Variants in XKR4 observed in about 807,000 individuals in gnomAD.
XKR4 encodes the protein XK-related protein 4.
In XKR4, 12 loss-of-function variants were observed where a neutral mutation model predicts 53.9. That is an observed-to-expected ratio of 0.22 (90% CI 0.14 to 0.36). XKR4 has a LOEUF of 0.36. Ranked by LOEUF, XKR4 falls within the 10% of genes least tolerant of loss-of-function variation. XKR4 has a pLI of 1.00. For missense variants in XKR4, 799 were observed against 859.5 expected, an observed-to-expected ratio of 0.93 and a Z score of 0.88; for synonymous variants, 354 against 362.4, an observed-to-expected ratio of 0.98 and a Z score of 0.26.
At chr8:55,156,444 G>GGGGGT (rs1272642626) in intron 1 of XKR4, among the ~76,000 whole-genome samples, 2 of 133,946 alleles carry the variant, frequency 1.5e-5, no homozygotes, top group East Asian at 5.4e-4. Flanking sequence ...GAGGAAGGGC[G>GGGGGT]GGGGTGGGGT....
At chr8:55,473,507 A>T (rs952409334) in intron 2 of XKR4, among the ~76,000 whole-genome samples, 5 of 152,122 alleles carry the variant, frequency 3.3e-5, no homozygotes, top group Non-Finnish European at 5.9e-5. Context: ...TCTCCACATA[A>T]TTGGTATAGC....
intron 2 of XKR4, among the ~76,000 whole-genome samples, chr8:55,414,111 A>T (rs1804811461): frequency 6.6e-6 from 1 of 152,250 alleles, no homozygotes; most frequent in Non-Finnish European, 1.5e-5. Context: ...TGTCTTCTAC[A>T]GTAAGAAAGA....
intron 1 of XKR4, among the ~76,000 whole-genome samples, chr8:55,208,519 G>A (rs568012145): frequency 2.0e-5 from 3 of 151,128 alleles, no homozygotes; most frequent in Non-Finnish European, 4.4e-5. Context: ...GTATCACCCA[G>A]GCAGTGGTGC....
At chr8:55,425,184 C>T (rs190026038) in intron 2 of XKR4, among the ~76,000 whole-genome samples, 1 of 152,148 alleles carries the variant, frequency 6.6e-6, no homozygotes, top group African/African-American at 2.4e-5. Context: ...GAATGATATT[C>T]TTTTCTGATC....
intron 1 of XKR4, among the ~76,000 whole-genome samples, chr8:55,271,462 A>G (rs1392920643): frequency 6.6e-6 from 1 of 152,010 alleles, no homozygotes; most frequent in African/African-American, 2.4e-5. Context: ...GCAGAGAAGG[A>G]AAAAACTGGA....
chr8:55,445,160 C>A (rs1805326344), intron 2 of XKR4, among the ~76,000 whole-genome samples: 1 of 152,148 alleles, frequency 6.6e-6, no homozygotes, highest in African/African-American at 2.4e-5. Flanking sequence ...CGGGTTCATG[C>A]CATTCTCCTG....
chr8:55,400,142 C>T (rs1804577530), intron 2 of XKR4, among the ~76,000 whole-genome samples: 1 of 152,170 alleles, frequency 6.6e-6, no homozygotes, highest in Non-Finnish European at 1.5e-5. Flanking sequence ...TCTTAGAGAA[C>T]ACAACCACAC....
At chr8:55,401,058 A>G (rs1471537573) in intron 2 of XKR4, among the ~76,000 whole-genome samples, 1 of 152,206 alleles carries the variant, frequency 6.6e-6, no homozygotes, top group Non-Finnish European at 1.5e-5. Context: ...TGACTAGGTC[A>G]AGTCCAGGTG....
intron 1 of XKR4, among the ~76,000 whole-genome samples, chr8:55,354,904 A>ATTTT (rs772993526): frequency 7.0e-6 from 1 of 142,640 alleles, no homozygotes; most frequent in Non-Finnish European, 1.5e-5. Context: ...TCAGTATAGA[A>ATTTT]TTTTTTTTTT....
rs930569266 is a variant in XKR4 at position 55,167,302 on chromosome 8, G to A, written c.806+64008G>A. ...TCACACTTCTTTCATGAGATTCAGC[G>A]AAGCTGTGTGTCCTGGCCTCCTTGC... On this transcript the variant is annotated intron_variant, in intron 1 of 2. Coordinates refer to ENST00000327381, the MANE Select transcript of XKR4 (RefSeq NM_052898.2). 4.6e-5 allele frequency among the ~76,000 whole-genome samples: 7 copies of A among 152,348 alleles called. No individual in the cohort carries two copies. The East Asian group carries it at 1.3e-3, about 29-fold the overall frequency.
At chr8:55,289,591 G>GAGAA (rs747365935) in intron 1 of XKR4, among the ~76,000 whole-genome samples, 7,430 of 66,856 alleles carry the variant, frequency 0.11, 533 homozygotes, top group Middle Eastern at 0.2. Context: ...AAGAAAGAAA[G>GAGAA]AGAAAGAAAG....
At chr8:55,278,309 T>A (rs190340306) in intron 1 of XKR4, among the ~76,000 whole-genome samples, 159 of 147,398 alleles carry the variant, frequency 1.1e-3, no homozygotes, top group African/African-American at 3.8e-3. Flanking sequence ...TGCACTTCAG[T>A]CTGGGTAACA....
intron 1 of XKR4, among the ~76,000 whole-genome samples, chr8:55,241,982 A>C (rs899888790): frequency 2.6e-5 from 4 of 152,224 alleles, no homozygotes; most frequent in Admixed American, 6.5e-5. Context: ...AAATCTGTAC[A>C]TGCTAAACTT....
chr8:55,456,076 G>A (rs1266475759), intron 2 of XKR4, among the ~76,000 whole-genome samples: 2 of 152,088 alleles, frequency 1.3e-5, no homozygotes, highest in Admixed American at 1.3e-4. Flanking sequence ...CAATTACTAA[G>A]CATGCAAATA....
intron 1 of XKR4, among the ~76,000 whole-genome samples, chr8:55,239,616 A>C (rs4236965): frequency 0.33 from 50,332 of 152,062 alleles, 10,072 homozygotes; most frequent in Middle Eastern, 0.45. Flanking sequence ...CTATATAGAC[A>C]TTCTTCTAAT....
chr8:55,247,543 C>T (rs1227825232), intron 1 of XKR4, among the ~76,000 whole-genome samples: 1 of 152,182 alleles, frequency 6.6e-6, no homozygotes, highest in Non-Finnish European at 1.5e-5. Flanking sequence ...ATATGACCAA[C>T]AGGTGATATA....
intron 2 of XKR4, among the ~76,000 whole-genome samples, chr8:55,434,787 A>G (rs537405113): frequency 2.6e-5 from 4 of 152,250 alleles, no homozygotes; most frequent in East Asian, 1.9e-4. Context: ...CAAACAATTT[A>G]CTTCAGAGCT....
At chr8:55,387,101 T>C (rs1804330315) in intron 2 of XKR4, among the ~76,000 whole-genome samples, 1 of 152,254 alleles carries the variant, frequency 6.6e-6, no homozygotes, top group Admixed American at 6.5e-5. Flanking sequence ...GTATCACACC[T>C]GGCTGTTAGC....
rs529398098 is a variant in XKR4 at position 55,417,532 on chromosome 8, T to G, written c.1006+59655T>G. Among the ~76,000 whole-genome samples, 51 of 152,134 alleles carry G rather than the reference T, an allele frequency of 3.4e-4. 1 individual carries two copies. Among genetic ancestry groups the G allele is most frequent in the Non-Finnish European group, 3.4e-4 (23 of 68,010 alleles). On this transcript the variant is annotated intron_variant, in intron 2 of 2. Transcript: ENST00000327381. ...TTTAGAGGCCGGAGGAGAAAACAAA[T>G]TAATTGCAAACTGGTCATCACTCTA...
Sources: gnomAD v4.1 joint callset for allele counts (sites outside exome capture counted in the v4.1 genomes callset) on GRCh38, gnomAD v4.1.1 for gene constraint, MANE v1.5 for transcripts, NCBI Gene and HGNC (gene_info 2026-07-23, HGNC 2026-07-21) for gene names.